The following RBL1 variants were observed in gnomAD, a reference collection of about 807,000 sequenced individuals.
The protein encoded by RBL1 is retinoblastoma-like protein 1.
Under a neutral mutation model 123.0 loss-of-function variants are expected in RBL1, and 82 were observed. The observed-to-expected ratio is 0.67, with a 90% CI of 0.56 to 0.80. RBL1 has a LOEUF of 0.80. RBL1 is among the 30% of genes least tolerant of loss of function. The probability of loss-of-function intolerance (pLI) is 0.00; values close to 1 mark genes in which losing one functional copy is unlikely to be tolerated. For missense variants in RBL1, 1,171 were observed against 1,299.6 expected, an observed-to-expected ratio of 0.90 and a Z score of 1.52; for synonymous variants, 405 against 441.3, an observed-to-expected ratio of 0.92 and a Z score of 1.03.
At chr20:37,019,433 C>T (rs991007254) in intron 18 of RBL1, among the ~76,000 whole-genome samples, 1 of 152,190 alleles carries the variant, frequency 6.6e-6, no homozygotes, top group African/African-American at 2.4e-5. Context: ...TTGACTCACA[C>T]TAACCTCACC....
At chr20:37,048,627 AAT>A (rs1267408391) in intron 11 of RBL1, among the ~76,000 whole-genome samples, 2 of 152,260 alleles carry the variant, frequency 1.3e-5, no homozygotes, top group African/African-American at 4.8e-5. Context: ...CCACTCTTGA[AAT>A]AAAAGAGCTT....
rs1157551665 is a variant in RBL1 at position 37,089,818 on chromosome 20, G to A, written c.157-696C>T. On this transcript the variant is annotated intron_variant, in intron 1 of 21. Transcript: ENST00000373664. ...GCGGTGGCTCATGCCTGGGAGGCTG[G>A]AGCGGGTGAATCACTTGAGGCCAGG... Among the ~76,000 whole-genome samples the A allele has an allele frequency of 3.9e-5, 6 of 152,156 alleles. No individual in the cohort carries two copies. The East Asian group carries it at 9.6e-4, about 24-fold the overall frequency.
At chr20:37,035,838 A>G (rs1372278286) in intron 14 of RBL1, among the ~76,000 whole-genome samples, 2 of 152,222 alleles carry the variant, frequency 1.3e-5, no homozygotes, top group African/African-American at 2.4e-5. Context: ...ATATCTCCCA[A>G]TCTTACCTAG....
chr20:37,085,009 G>A (rs986151980), intron 2 of RBL1, among the ~76,000 whole-genome samples: 2 of 151,586 alleles, frequency 1.3e-5, no homozygotes, highest in Admixed American at 6.6e-5. Context: ...CAGGTGATCC[G>A]CCCGTCTAAG....
At chr20:37,078,201 T>G (rs1267604027) in intron 2 of RBL1, among the ~76,000 whole-genome samples, 1 of 152,214 alleles carries the variant, frequency 6.6e-6, no homozygotes, top group African/African-American at 2.4e-5. Context: ...GATAACTTTG[T>G]ACTTGATTTA....
rs767000801 is a variant in RBL1 at position 37,089,123 on chromosome 20, C to CT, written c.157-2dup. On this transcript the variant is annotated splice_acceptor_variant, in intron 1 of 21. Transcript: ENST00000373664. LOFTEE classifies it high-confidence loss of function. ...ATGCCAACCAGTGTGTAACTTCTCC[C>CT]TGGCAAGCAAAAGACAAACAGCAAA... The CT allele has an allele frequency of 1.2e-5, 19 of 1,593,046 alleles. No individual in the cohort carries two copies. Among genetic ancestry groups the CT allele is most frequent in the Non-Finnish European group, 1.6e-5 (19 of 1,169,378 alleles).
intron 2 of RBL1, among the ~76,000 whole-genome samples, chr20:37,074,152 C>T (rs2065325944): frequency 6.6e-6 from 1 of 151,528 alleles, no homozygotes; most frequent in African/African-American, 2.4e-5. Flanking sequence ...GTAGCTTACA[C>T]CTGTAATGCC....
rs2065190114 is a variant in RBL1, at chr20:37,067,100, T to C, written c.578A>G (p.Asp193Gly). The stretch of plus-strand genomic sequence containing the variant: ...TAAATGATAAGAGTTTACTAAGTCA[T>C]CCCCAATCATCCGAAAATTACCTTT... ...YTKGNFRMIGDDLVNSYHLLL... is the reference protein window; with the variant it reads ...YTKGNFRMIGGDLVNSYHLLL... Residue 193 changes from aspartate (D) to glycine (G), a missense_variant, in exon 5 of 22, where the codon GAT (aspartate) becomes GGT (glycine). Coordinates refer to ENST00000373664, the MANE Select transcript of RBL1 (RefSeq NM_002895.5). The C allele has an allele frequency of 1.3e-6, 2 of 1,570,248 alleles. No individual in the cohort carries two copies. The highest frequency in any genetic ancestry group is 1.7e-6 in the Non-Finnish European group (2 of 1,166,930).
chr20:37,090,374 G>C (rs926199344), intron 1 of RBL1, among the ~76,000 whole-genome samples: 1 of 152,194 alleles, frequency 6.6e-6, no homozygotes, highest in Non-Finnish European at 1.5e-5. Context: ...TACCAGAAGA[G>C]TTTTATTAAA....
intron 9 of RBL1, 59 bp from the exon 10 acceptor site, chr20:37,056,317 A>G: frequency 6.9e-7 from 1 of 1,448,290 alleles, no homozygotes; most frequent in Non-Finnish European, 9.1e-7. Flanking sequence ...AACAAAAAAG[A>G]CTCCACACCA....
At chr20:37,093,191 G>A (rs1369448728) in intron 1 of RBL1, among the ~76,000 whole-genome samples, 2 of 152,144 alleles carry the variant, frequency 1.3e-5, no homozygotes, top group Non-Finnish European at 2.9e-5. Context: ...AGGTAGACTA[G>A]AGAGGGGTAG....
At chr20:37,011,291 A>G (rs1483991296) in intron 19 of RBL1, among the ~76,000 whole-genome samples, 2 of 152,170 alleles carry the variant, frequency 1.3e-5, no homozygotes, top group Non-Finnish European at 2.9e-5. Context: ...GCAGTCTGCT[A>G]ACATGACATT....
chr20:37,062,015 G>A (rs915103588), intron 8 of RBL1, 69 bp downstream of exon 8: 102 of 1,391,288 alleles, frequency 7.3e-5, no homozygotes, highest in Admixed American at 6.7e-4. Context: ...AGATGCTTCT[G>A]CTGTTAGTAG....
rs143562549 is a variant in RBL1 at position 37,084,835 on chromosome 20, G to A, written c.290+4154C>T. Among the ~76,000 whole-genome samples, 504 of 151,920 alleles carry A rather than the reference G, an allele frequency of 3.3e-3. 2 individuals are homozygous for A. Among genetic ancestry groups the A allele is most frequent in the African/African-American group, 9.5e-3 (393 of 41,454 alleles). On this transcript the variant is annotated intron_variant, in intron 2 of 21. Transcript: ENST00000373664. ...AGCTAGAGTGCAATAGCACAATCTC[G>A]GCTCACTGCAACCTCCACCTCCTGG... is the stretch of plus-strand genomic sequence containing the variant.
chr20:36,999,477 T>C (rs1186196590), intron 21 of RBL1, among the ~76,000 whole-genome samples: 1 of 144,462 alleles, frequency 6.9e-6, no homozygotes, highest in Non-Finnish European at 1.5e-5. Context: ...CTCTCCCTCC[T>C]CTCCCTCTCC....
At chr20:37,085,095 C>T (rs1282739801) in intron 2 of RBL1, among the ~76,000 whole-genome samples, 6 of 150,546 alleles carry the variant, frequency 4.0e-5, no homozygotes, top group East Asian at 1.9e-4. Context: ...TGGTTAATTA[C>T]GGAGAGTGCC....
At chr20:36,999,107 A>G (rs2146188915) in intron 21 of RBL1, among the ~76,000 whole-genome samples, 178 bp from the exon 22 acceptor site, 1 of 152,282 alleles carries the variant, frequency 6.6e-6, no homozygotes, top group East Asian at 1.9e-4. Flanking sequence ...TAATCTTTTC[A>G]GGTGGTTTAA....
At chr20:37,085,647 ATTTTTTTTTTT>A (rs1202673380) in intron 2 of RBL1, among the ~76,000 whole-genome samples, 1 of 84,606 alleles carries the variant, frequency 1.2e-5, no homozygotes, top group Admixed American at 1.6e-4. Flanking sequence ...TTGAAATTTG[ATTTTTTTTTTT>A]TTTTTTTTTT....
At chr20:37,078,598 G>A (rs1004739150) in intron 2 of RBL1, among the ~76,000 whole-genome samples, 5 of 152,220 alleles carry the variant, frequency 3.3e-5, no homozygotes, top group Non-Finnish European at 5.9e-5. Context: ...GAGAAAACAC[G>A]TCTGCTAAGC....
Sources: gnomAD v4.1 joint callset for allele counts (sites outside exome capture counted in the v4.1 genomes callset) on GRCh38, gnomAD v4.1.1 for gene constraint, MANE v1.5 for transcripts, NCBI Gene and HGNC (gene_info 2026-07-23, HGNC 2026-07-21) for gene names.